Variants in FRY observed in about 807,000 individuals in gnomAD.
The protein encoded by FRY is FRY microtubule binding protein, also known as protein furry homolog.
FRY carries 128 observed loss-of-function variants against 348.4 expected under a neutral mutation model. The observed-to-expected ratio is 0.37, with a 90% confidence interval of 0.32 to 0.43. The LOEUF (loss-of-function observed/expected upper bound fraction) is 0.43. FRY is among the 20% of genes least tolerant of loss of function. The pLI is 1.00. For missense variants in FRY, 2,736 were observed against 3,695.2 expected (o/e 0.74, Z 6.73); for synonymous variants, 1,370 against 1,374.7 (o/e 1.00, Z 0.08).
At chr13:32,150,936 C>G (rs1352977642) in intron 14 of FRY, among the ~76,000 whole-genome samples, 2 of 152,166 alleles carry the variant, frequency 1.3e-5, no homozygotes. Context: ...TGTCTGGTGT[C>G]CAGTGACCTC....
chr13:32,286,850 T>C (rs1889093739), intron 58 of FRY, among the ~76,000 whole-genome samples: 1 of 150,216 alleles, frequency 6.7e-6, no homozygotes, highest in Non-Finnish European at 1.5e-5. Flanking sequence ...CTATTAGTTG[T>C]AGATTACTTT....
chr13:32,229,211 G>T (rs535235314), intron 40 of FRY, among the ~76,000 whole-genome samples: 23 of 152,298 alleles, frequency 1.5e-4, no homozygotes, highest in African/African-American at 5.5e-4. Flanking sequence ...AGTGGTACTG[G>T]TTAGGTCTTC....
chr13:32,086,978 G>C (rs1378955490), intron 2 of FRY, among the ~76,000 whole-genome samples: 1 of 152,192 alleles, frequency 6.6e-6, no homozygotes, highest in Non-Finnish European at 1.5e-5. Flanking sequence ...GCTGAGTTAG[G>C]AGCACAGGTG....
chr13:32,061,209 G>T (rs1276841670), intron 1 of FRY: 2 of 527,814 alleles, frequency 3.8e-6, no homozygotes, highest in African/African-American at 3.9e-5. Context: ...CTAACTGGTT[G>T]TTAAATGCTG....
At chr13:32,294,155 G>A (rs1479918115) in intron 59 of FRY, among the ~76,000 whole-genome samples, 1 of 152,012 alleles carries the variant, frequency 6.6e-6, no homozygotes, top group Middle Eastern at 3.2e-3. Flanking sequence ...TTTCTATAAG[G>A]AGAGCATCTC....
intron 20 of FRY, among the ~76,000 whole-genome samples, chr13:32,175,855 T>G (rs540602894): frequency 6.6e-6 from 1 of 152,220 alleles, no homozygotes; most frequent in Non-Finnish European, 1.5e-5. Context: ...ATAATATTTT[T>G]AAACAACAGT....
chr13:32,216,822 T>C (rs186308297), intron 35 of FRY, among the ~76,000 whole-genome samples: 19 of 152,344 alleles, frequency 1.2e-4, no homozygotes, highest in East Asian at 3.9e-4. Flanking sequence ...TCTGTTCTTA[T>C]AGATTCACAA....
intron 1 of FRY, among the ~76,000 whole-genome samples, chr13:32,075,641 G>C (rs1874999920): frequency 6.6e-6 from 1 of 152,156 alleles, no homozygotes; most frequent in African/African-American, 2.4e-5. Flanking sequence ...TTCCTGGTCT[G>C]CACTATATTG....
In FRY at chr13:32,285,245, C is replaced by T. The variant is rs151165578; in HGVS notation, c.8470-4388C>T. Among the ~76,000 whole-genome samples the T allele has an allele frequency of 1.7e-4, 26 of 152,190 alleles. 1 individual carries two copies. Among genetic ancestry groups the T allele is most frequent in the African/African-American group, 3.9e-4 (16 of 41,534 alleles). Reference sequence around the variant, plus strand: ...GATACAGAAAAACATTAGAACGGGACGGTGGGACAAGGGGAATTTTAATAA... The same window carrying T: ...GATACAGAAAAACATTAGAACGGGATGGTGGGACAAGGGGAATTTTAATAA... On this transcript the variant is annotated intron_variant, in intron 58 of 60. Transcript: ENST00000542859.
intron 55 of FRY, among the ~76,000 whole-genome samples, chr13:32,268,497 AAAAAAAAAATATATATAT>A (rs1322326000): frequency 1.3e-4 from 2 of 15,448 alleles, no homozygotes; most frequent in African/African-American, 3.0e-4. Flanking sequence ...AAAAAAAAAA[AAAAAAAAAATATATATAT>A]ATATATATAT....
intron 39 of FRY, among the ~76,000 whole-genome samples, chr13:32,227,688 A>G (rs1885653340): frequency 6.6e-6 from 1 of 152,030 alleles, no homozygotes; most frequent in African/African-American, 2.4e-5. Context: ...ACTCAAAAAT[A>G]TTATGTAAAA....
intron 1 of FRY, among the ~76,000 whole-genome samples, chr13:32,051,152 C>T (rs1873306222): frequency 6.6e-6 from 1 of 152,156 alleles, no homozygotes. Context: ...GATTTGGGAG[C>T]TCAAAATTAT....
At chr13:32,219,862 C>G (rs112888216) in intron 36 of FRY, among the ~76,000 whole-genome samples, 1 of 152,164 alleles carries the variant, frequency 6.6e-6, no homozygotes, top group Non-Finnish European at 1.5e-5. Context: ...ATGGCATAGT[C>G]TCCATAGCCT....
At chr13:32,150,122 T>C (rs1880708082) in intron 14 of FRY, among the ~76,000 whole-genome samples, 1 of 152,246 alleles carries the variant, frequency 6.6e-6, no homozygotes, top group Non-Finnish European at 1.5e-5. Flanking sequence ...AGTTAGGTTG[T>C]TTTATTTTAG....
intron 33 of FRY, 115 bp from the exon 34 acceptor site, chr13:32,210,751 T>G (rs889991035): frequency 1.5e-5 from 12 of 818,836 alleles, no homozygotes; most frequent in Admixed American, 4.0e-5. Flanking sequence ...AGATTAGCTA[T>G]CACGGTGACA....
Position 32,147,303 on chromosome 13 carries a change from C to T in FRY, c.1201C>T (p.Arg401Ter), listed in dbSNP as rs1399764760. ...ATAGAACAAAGATCCCAAGATGGCTCGAGTTGCACTGGAATCTCTCTACAG... is the reference window on the plus strand; with the variant it reads ...ATAGAACAAAGATCCCAAGATGGCTTGAGTTGCACTGGAATCTCTCTACAG... ...NLKNKDPKMA[R>*]VALESLYRLL... The change falls in exon 12 of 61, where the codon CGA becomes TGA. Residue 401 changes from arginine to a stop codon, truncating the protein, a stop_gained. Transcript: ENST00000542859. LOFTEE classifies it high-confidence loss of function. The T allele has an allele frequency of 1.4e-5, 22 of 1,608,562 alleles. No individual in the cohort carries two copies. Among genetic ancestry groups the T allele is most frequent in the Non-Finnish European group, 1.9e-5 (22 of 1,175,040 alleles).
At chr13:32,139,077 T>C (rs1879896696) in intron 11 of FRY, among the ~76,000 whole-genome samples, 1 of 152,166 alleles carries the variant, frequency 6.6e-6, no homozygotes, top group Admixed American at 6.5e-5. Context: ...AAGATAAAAA[T>C]GAAATAAAAT....
In FRY at chr13:32,194,211, T is replaced by C. The variant is rs200876478; in HGVS notation, c.3660T>C (p.Phe1220=). ...TTAATCCTGACCAAATAAATCTTTT[T>C]AACTGGGCAATTGACCGATGCTACA... The part of the protein sequence containing the change: ...LELNPDQINL[F]NWAIDRCYTG... Residue 1220 remains phenylalanine, a synonymous_variant, in exon 29 of 61, where the codon TTT becomes TTC. Transcript: ENST00000542859. 3,849 of 1,614,114 alleles carry C rather than the reference T, an allele frequency of 2.4e-3. 6 individuals are homozygous for C. Among genetic ancestry groups the C allele is most frequent in the Non-Finnish European group, 3.0e-3 (3,509 of 1,179,928 alleles).
intron 2 of FRY, among the ~76,000 whole-genome samples, chr13:32,082,337 C>T (rs1292174432): frequency 6.6e-6 from 1 of 151,612 alleles, no homozygotes; most frequent in East Asian, 1.9e-4. Flanking sequence ...CCAAAAGATG[C>T]TCAGGTCATA....
Sources: gnomAD v4.1 joint callset for allele counts (sites outside exome capture counted in the v4.1 genomes callset) on GRCh38, gnomAD v4.1.1 for gene constraint, MANE v1.5 for transcripts, NCBI Gene and HGNC (gene_info 2026-07-23, HGNC 2026-07-21) for gene names.